FHOD3: variants seen among roughly 807,000 people sequenced by gnomAD.
The protein encoded by FHOD3 is formin homology 2 domain containing 3, also known as FH1/FH2 domain-containing protein 3.
FHOD3 carries 90 observed loss-of-function variants against 173.0 expected under a neutral mutation model. The ratio of observed to expected loss-of-function variants is 0.52; its 90% CI spans 0.44 to 0.62. The LOEUF is 0.62. Ranked by LOEUF, FHOD3 falls within the 20% of genes least tolerant of loss-of-function variation. The probability of loss-of-function intolerance (pLI) is 0.00; values close to 1 mark genes in which losing one functional copy is unlikely to be tolerated. For synonymous variants in FHOD3, 828 were observed against 823.0 expected (o/e 1.01, Z -0.10); for missense variants, 1,945 against 2,034.7 (o/e 0.96, Z 0.85).
At chr18:36,309,291 G>A (rs915805944) in intron 1 of FHOD3, among the ~76,000 whole-genome samples, 1 of 151,916 alleles carries the variant, frequency 6.6e-6, no homozygotes, top group African/African-American at 2.4e-5. Context: ...GCTTGTGTGA[G>A]GGGGAGGGTC....
At chr18:36,415,728 T>C (rs1362172524) in intron 3 of FHOD3, among the ~76,000 whole-genome samples, 3 of 152,234 alleles carry the variant, frequency 2.0e-5, no homozygotes, top group Non-Finnish European at 2.9e-5. Context: ...TTAAAAGAAA[T>C]GCCAAACTCT....
intron 3 of FHOD3, among the ~76,000 whole-genome samples, chr18:36,424,036 A>T (rs1035825711): frequency 2.6e-5 from 4 of 152,204 alleles, no homozygotes; most frequent in Non-Finnish European, 4.4e-5. Context: ...CCTTCAGCTG[A>T]ACCAAGCCAC....
At chr18:36,408,094 G>C (rs577450325) in intron 3 of FHOD3, among the ~76,000 whole-genome samples, 40 of 152,322 alleles carry the variant, frequency 2.6e-4, no homozygotes, top group African/African-American at 8.4e-4. Flanking sequence ...AGCCCTTGGG[G>C]CTACACTGGA....
intron 5 of FHOD3, among the ~76,000 whole-genome samples, chr18:36,567,722 A>C (rs1050112886): frequency 2.0e-5 from 3 of 152,316 alleles, no homozygotes; most frequent in Admixed American, 1.3e-4. Flanking sequence ...TGCAAAACCC[A>C]GAAGTGGACT....
At position 36,297,972 on chromosome 18, in the gene FHOD3, T is replaced by C; in HGVS notation, c.137T>C (p.Val46Ala). The C allele has an allele frequency of 6.4e-7, 1 of 1,560,240 alleles. No homozygotes were observed. The highest frequency in any genetic ancestry group is 1.2e-5 in the South Asian group (1 of 84,006). The change falls in exon 1 of 29, where the codon GTC (valine) becomes GCC (alanine). Residue 46 changes from valine (V) to alanine (A), a missense_variant. By Grantham distance (64) the Val-to-Ala change is moderately conservative. Transcript: ENST00000590592. ...GCGCTCGGCACCCAGCTGGCGGGGG[T>C]CCATAGGCTGCTGCAGGCGCCGCAC... ...DLALGTQLAGVHRLLQAPHKL... is the reference protein window; with the variant it reads ...DLALGTQLAGAHRLLQAPHKL...
chr18:36,755,455 T>C, intron 25 of FHOD3, 144 bp downstream of exon 25: 2 of 623,804 alleles, frequency 3.2e-6, no homozygotes, highest in Non-Finnish European at 4.8e-6. Context: ...TTTTAAAAAG[T>C]GCTCTTAAAG....
chr18:36,614,428 T>C (rs1452292029), intron 9 of FHOD3, among the ~76,000 whole-genome samples: 2 of 152,254 alleles, frequency 1.3e-5, no homozygotes, highest in Non-Finnish European at 2.9e-5. Flanking sequence ...TTTCTACCTT[T>C]TGGCTATTAT....
At chr18:36,516,917 T>A (rs545388404) in intron 5 of FHOD3, among the ~76,000 whole-genome samples, 2 of 152,132 alleles carry the variant, frequency 1.3e-5, no homozygotes, top group South Asian at 4.2e-4. Context: ...ATGTGGAGAA[T>A]CCAGGACTTT....
At chr18:36,680,969 C>T (rs1043160513) in intron 14 of FHOD3, among the ~76,000 whole-genome samples, 3 of 152,100 alleles carry the variant, frequency 2.0e-5, no homozygotes, top group South Asian at 2.1e-4. Context: ...GTTTGTTAAT[C>T]GGTATCTTTC....
chr18:36,634,793 C>T (rs552201236), intron 10 of FHOD3, among the ~76,000 whole-genome samples: 1 of 152,170 alleles, frequency 6.6e-6, no homozygotes, highest in South Asian at 2.1e-4. Context: ...TATCATCAAT[C>T]CATGCCCTGA....
chr18:36,328,324 AGAG>A (rs1486758284), intron 1 of FHOD3, among the ~76,000 whole-genome samples: 1 of 152,020 alleles, frequency 6.6e-6, no homozygotes, highest in Non-Finnish European at 1.5e-5. Context: ...AGGGTGGGAG[AGAG>A]GAGAACACAT....
chr18:36,424,345 G>A (rs976825961), intron 3 of FHOD3, among the ~76,000 whole-genome samples: 1 of 152,086 alleles, frequency 6.6e-6, no homozygotes, highest in African/African-American at 2.4e-5. Context: ...TTCCCCGTAT[G>A]CCTTCTGGTG....
intron 3 of FHOD3, among the ~76,000 whole-genome samples, chr18:36,419,550 T>C (rs866433015): frequency 1.1e-4 from 16 of 152,334 alleles, no homozygotes; most frequent in Admixed American, 2.0e-4. Context: ...TGATATTCAA[T>C]AGGAACCCTG....
intron 3 of FHOD3, among the ~76,000 whole-genome samples, chr18:36,479,176 A>G (rs553053699): frequency 1.0e-3 from 159 of 152,346 alleles, no homozygotes; most frequent in African/African-American, 3.7e-3. Context: ...AGAGATGGGA[A>G]TGAGCCACAT....
At chr18:36,649,631 C>T (rs1288667116) in intron 11 of FHOD3, among the ~76,000 whole-genome samples, 1 of 152,170 alleles carries the variant, frequency 6.6e-6, no homozygotes, top group African/African-American at 2.4e-5. Flanking sequence ...TTCCTAACCA[C>T]ACTTTATGGA....
At chr18:36,726,955 G>C (rs1170864258) in intron 19 of FHOD3, among the ~76,000 whole-genome samples, 2 of 152,188 alleles carry the variant, frequency 1.3e-5, no homozygotes, top group African/African-American at 4.8e-5. Context: ...TTACAGGCTT[G>C]AGCCACTGTG....
At chr18:36,466,302 A>G (rs949387934) in intron 3 of FHOD3, among the ~76,000 whole-genome samples, 16 of 152,218 alleles carry the variant, frequency 1.1e-4, no homozygotes, top group African/African-American at 3.6e-4. Flanking sequence ...CATCTGGCTC[A>G]ATAAGACAGG....
intron 3 of FHOD3, among the ~76,000 whole-genome samples, chr18:36,426,801 C>A (rs1305717258): frequency 6.6e-6 from 1 of 152,222 alleles, no homozygotes; most frequent in Admixed American, 6.5e-5. Flanking sequence ...TCTTTACAAT[C>A]CTTCTGTGAC....
At chr18:36,322,050 ATG>A (rs2044424807) in intron 1 of FHOD3, among the ~76,000 whole-genome samples, 3 of 152,136 alleles carry the variant, frequency 2.0e-5, no homozygotes, top group Admixed American at 2.0e-4. Context: ...GGTAGCTGGG[ATG>A]GAGTGTGAGC....
Sources: gnomAD v4.1 joint callset for allele counts (sites outside exome capture counted in the v4.1 genomes callset) on GRCh38, gnomAD v4.1.1 for gene constraint, MANE v1.5 for transcripts, NCBI Gene and HGNC (gene_info 2026-07-23, HGNC 2026-07-21) for gene names.